The following MTX1 variants were observed in gnomAD, a reference collection of about 807,000 sequenced individuals.
MTX1 encodes metaxin 1.
In MTX1, 20 loss-of-function variants were observed where a neutral mutation model predicts 39.4. The observed-to-expected ratio is 0.51, with a 90% CI of 0.36 to 0.74. MTX1 has a LOEUF of 0.74. Ranked by LOEUF, MTX1 falls within the 30% of genes least tolerant of loss-of-function variation. The probability of loss-of-function intolerance (pLI) is 0.00; values close to 1 mark genes in which losing one functional copy is unlikely to be tolerated. For synonymous variants in MTX1, 209 were observed against 198.6 expected (o/e 1.05, Z -0.44); for missense variants, 481 against 485.9 (o/e 0.99, Z 0.10).
intron 1 of MTX1, among the ~76,000 whole-genome samples, chr1:155,209,814 C>G (rs866904705): frequency 1.3e-5 from 2 of 152,216 alleles, no homozygotes; most frequent in Admixed American, 1.3e-4. Flanking sequence ...ATCAGACTTC[C>G]TTTGCTTCAT....
intron 1 of MTX1, among the ~76,000 whole-genome samples, chr1:155,209,931 A>T (rs574497363): frequency 6.6e-6 from 1 of 152,378 alleles, no homozygotes; most frequent in Non-Finnish European, 1.5e-5. Flanking sequence ...TCGAGTTTAC[A>T]GAAAGGCAGA....
rs1189347719 is a variant in MTX1 at position 155,210,392 on chromosome 1, G to A, written c.575G>A (p.Ser192Asn). The A allele has an allele frequency of 6.2e-7, 1 of 1,614,206 alleles. No individual in the cohort carries two copies. Residue 192 changes from serine to asparagine, a missense_variant, in exon 2 of 8, where the codon AGC (serine) becomes AAC (asparagine). By Grantham distance (46) the Ser-to-Asn change is conservative (BLOSUM62 1). Coordinates refer to ENST00000368376, the MANE Select transcript of MTX1 (RefSeq NM_002455.5). ...TGAPLKVHKI[S>N]NPWQSPSGTL... Reference sequence around the variant, plus strand: ...GCTCCACTGAAGGTACACAAGATCAGCAACCCCTGGCAGAGCCCTTCAGGT... The same window carrying A: ...GCTCCACTGAAGGTACACAAGATCAACAACCCCTGGCAGAGCCCTTCAGGT...
chr1:155,209,587 C>G (rs958525680), intron 1 of MTX1, among the ~76,000 whole-genome samples: 6 of 152,232 alleles, frequency 3.9e-5, no homozygotes, highest in African/African-American at 1.2e-4. Context: ...CATTCACTGG[C>G]TGTGTGACCT....
chr1:155,213,228 C>T lies in MTX1; in HGVS notation c.1032-9C>T, dbSNP rs1671189492. Reference sequence around the variant, plus strand: ...TCTCCTCCATCCCACCCTTCTCTCTCTGCTCCAGCCCTGCCTCCTTGGACG... The same window carrying T: ...TCTCCTCCATCCCACCCTTCTCTCTTTGCTCCAGCCCTGCCTCCTTGGACG... On this transcript the variant is annotated splice_polypyrimidine_tract_variant and intron_variant, in intron 6 of 7. Coordinates refer to ENST00000368376, the MANE Select transcript of MTX1 (RefSeq NM_002455.5). 1.9e-6 allele frequency: 1 copy of T among 529,420 alleles called. No individual in the cohort carries two copies. Among genetic ancestry groups the T allele is most frequent in the African/African-American group, 2.5e-5 (1 of 40,392 alleles). 32.8% of individuals were successfully genotyped at this position (529,420 alleles called of 1,614,324 possible). A position where few individuals can be genotyped will look rare whatever the true frequency, so the allele number is the denominator to read the frequency against.
rs1490809178 is a variant in MTX1, at chr1:155,209,208, C to A, written c.404C>A (p.Ala135Glu). The change falls in exon 1 of 8, where the codon GCA becomes GAA. Residue 135 changes from alanine (A) to glutamate (E), a missense_variant. Coordinates refer to ENST00000368376, the MANE Select transcript of MTX1 (RefSeq NM_002455.5). ...GGGGGCGGGCCCAGGCAGGGGAGGG[C>A]AGAAGCACACAAGGAAGTGTTTCCG... ...VAGGGPRQGR[A>E]EAHKEVFPGQ... 7 of 1,461,376 alleles carry A rather than the reference C, an allele frequency of 4.8e-6. No homozygotes were observed. In the African/African-American group the frequency reaches 7.2e-5, roughly 15 times the overall value. 90.5% of individuals were successfully genotyped at this position (1,461,376 alleles called of 1,614,324 possible). A position where few individuals can be genotyped will look rare whatever the true frequency, so the allele number is the denominator to read the frequency against.
intron 1 of MTX1, among the ~76,000 whole-genome samples, chr1:155,210,133 G>A (rs1671055051): frequency 1.3e-5 from 2 of 152,182 alleles, no homozygotes; most frequent in African/African-American, 4.8e-5. Flanking sequence ...TTTCCTGGCT[G>A]TCCTGTAATC....
intron 4 of MTX1, 43 bp from the exon 5 acceptor site, chr1:155,212,342 A>G: frequency 6.2e-7 from 1 of 1,609,602 alleles, no homozygotes; most frequent in East Asian, 2.2e-5. Context: ...AGACAGGTGC[A>G]CTGGCTCAGA....
rs568192783 is a variant in MTX1 at position 155,211,172 on chromosome 1, G to C, written c.678+545G>C. On this transcript the variant is annotated intron_variant, in intron 3 of 7. Transcript: ENST00000368376. ...TCCAAGGGTTCTTCTAGCATTGACGGTCAGGTTCCAAGAGGGAACAGTGTC... is the reference window on the plus strand; with the variant it reads ...TCCAAGGGTTCTTCTAGCATTGACGCTCAGGTTCCAAGAGGGAACAGTGTC... 5 of 154,464 alleles carry C rather than the reference G, an allele frequency of 3.2e-5. No homozygotes were observed. In the East Asian group the frequency reaches 7.7e-4, roughly 24 times the overall value. 9.6% of individuals were successfully genotyped at this position (154,464 alleles called of 1,614,324 possible).
At chr1:155,212,943 G>A (rs1374278600) in intron 6 of MTX1, among the ~76,000 whole-genome samples, 173 bp downstream of exon 6, 1 of 149,018 alleles carries the variant, frequency 6.7e-6, no homozygotes, top group East Asian at 2.1e-4. Context: ...AGCCTTCTCA[G>A]AGGTACAAAA....
chr1:155,211,830 T>C, intron 3 of MTX1: 1 of 272,358 alleles, frequency 3.7e-6, no homozygotes. Flanking sequence ...CGGGCGTTGT[T>C]CCAGCTTTCC....
At position 155,209,188 on chromosome 1, in the gene MTX1, C is replaced by G; in HGVS notation, c.384C>G (p.Gly128=). ...CGATCGGAGGGGCGGTGGCGGGGGG[C>G]GGGCCCAGGCAGGGGAGGGCAGAAG... ...TATIGGAVAG[G]GPRQGRAEAH... Residue 128 remains glycine (G), a synonymous_variant, in exon 1 of 8, where the codon GGC becomes GGG. Transcript: ENST00000368376. 1.4e-6 allele frequency: 2 copies of G among 1,473,136 alleles called. No individual in the cohort carries two copies. Among genetic ancestry groups the G allele is most frequent in the Non-Finnish European group, 1.8e-6 (2 of 1,110,610 alleles). 91.3% of individuals were successfully genotyped at this position (1,473,136 alleles called of 1,614,324 possible).
rs966599221 is a variant in MTX1, at chr1:155,210,339, C to T, written c.529-7C>T. 13 of 1,613,592 alleles carry T rather than the reference C, an allele frequency of 8.1e-6. No homozygotes were observed. Among genetic ancestry groups the T allele is most frequent in the Non-Finnish European group, 9.3e-6 (11 of 1,179,500 alleles). Reference sequence around the variant, plus strand: ...TGCCTCTCTGACTTCTGCTTCCTTCCCTGCAGACCTATGCCAGATTTACTG... The same window carrying T: ...TGCCTCTCTGACTTCTGCTTCCTTCTCTGCAGACCTATGCCAGATTTACTG... On this transcript the variant is annotated splice_polypyrimidine_tract_variant and splice_region_variant and intron_variant, in intron 1 of 7. Coordinates refer to ENST00000368376, the MANE Select transcript of MTX1 (RefSeq NM_002455.5).
chr1:155,212,878 G>C (rs1385596995), intron 6 of MTX1, 108 bp downstream of exon 6: 20 of 1,511,812 alleles, frequency 1.3e-5, no homozygotes, highest in Non-Finnish European at 1.8e-5. Context: ...CTCTGGATAG[G>C]AGGTCCCTGG....
At chr1:155,211,879 C>T in intron 3 of MTX1, 1 of 353,416 alleles carries the variant, frequency 2.8e-6, no homozygotes, top group Non-Finnish European at 5.1e-6. Context: ...TGCGGCGGAG[C>T]CTTCCTTCCT....
rs567950 is a variant in MTX1, at chr1:155,212,642, G to C, written c.955-52G>C. Reference sequence around the variant, plus strand: ...GGCCAGGAATGGGAGTGCTTAGGTGGGGAGGTGGCACTGTTCCCACAGCTG... The same window carrying C: ...GGCCAGGAATGGGAGTGCTTAGGTGCGGAGGTGGCACTGTTCCCACAGCTG... On this transcript the variant is annotated intron_variant, in intron 5 of 7. Coordinates refer to ENST00000368376, the MANE Select transcript of MTX1 (RefSeq NM_002455.5). The C allele has an allele frequency of 1.4e-3, 2,232 of 1,606,752 alleles. 14 individuals are homozygous for C. Among genetic ancestry groups the C allele is most frequent in the African/African-American group, 1.6e-3 (118 of 74,854 alleles).
At position 155,209,103 on chromosome 1, in the gene MTX1, C is replaced by A; in HGVS notation, c.299C>A (p.Ala100Asp). ...GGCCCAGTCCCCCGCAGTTCAGCTG[C>A]CAGTCGGGCCAGAAGAAGCCTCGCC... is the stretch of plus-strand genomic sequence containing the variant. ...ARGPVPRSSA[A>D]SRARRSLASP... The change falls in exon 1 of 8, where the codon GCC (alanine) becomes GAC (aspartate). Residue 100 changes from alanine to aspartate, a missense_variant. Coordinates refer to ENST00000368376, the MANE Select transcript of MTX1 (RefSeq NM_002455.5). The A allele has an allele frequency of 6.5e-7, 1 of 1,543,144 alleles. No individual in the cohort carries two copies. Among genetic ancestry groups the A allele is most frequent in the Non-Finnish European group, 8.7e-7 (1 of 1,143,640 alleles).
rs776764435 is a variant in MTX1, at chr1:155,212,770, C to T, written c.1031C>T (p.Ala344Val). 60 of 1,587,116 alleles carry T rather than the reference C, an allele frequency of 3.8e-5. No homozygotes were observed. Among genetic ancestry groups the T allele is most frequent in the Admixed American group, 5.4e-5 (3 of 55,958 alleles). The change falls in exon 6 of 8, where the codon GCC (alanine) becomes GTC (valine). Residue 344 changes from alanine to valine, a missense_variant and splice_region_variant. Physicochemically the swap from Ala to Val is moderately conservative, Grantham distance 64. Transcript: ENST00000368376. The part of the protein sequence containing the change: ...LGSQKFFFGD[A>V]PASLDAFVFS... ...TCTCAAAAGTTCTTCTTTGGAGATG[C>T]GTGAGTCTGACTCCAAGAGGGTAAT...
chr1:155,212,370 G>A lies in MTX1; in HGVS notation c.772-15G>A. 1 of 1,613,708 alleles carries A rather than the reference G, an allele frequency of 6.2e-7. No individual in the cohort carries two copies. The highest frequency in any genetic ancestry group is 1.1e-5 in the South Asian group (1 of 91,080). ...GGCTCAGACCTACCTGTTTCTTCCTGCCCACCCAATCCAGGTACATACTTT... is the reference window on the plus strand; with the variant it reads ...GGCTCAGACCTACCTGTTTCTTCCTACCCACCCAATCCAGGTACATACTTT... On this transcript the variant is annotated splice_polypyrimidine_tract_variant and intron_variant, in intron 4 of 7. Transcript: ENST00000368376.
intron 1 of MTX1, 39 bp from the exon 2 acceptor site, chr1:155,210,307 A>G (rs767799719): frequency 7.7e-6 from 12 of 1,561,014 alleles, no homozygotes; most frequent in Non-Finnish European, 1.1e-5. Flanking sequence ...TGTGGGGGAC[A>G]TGGCTCTGCC....
Sources: gnomAD v4.1 joint callset for allele counts (sites outside exome capture counted in the v4.1 genomes callset) on GRCh38, gnomAD v4.1.1 for gene constraint, MANE v1.5 for transcripts, NCBI Gene and HGNC (gene_info 2026-07-23, HGNC 2026-07-21) for gene names.